The following CADM2 variants were observed in gnomAD, a reference collection of about 807,000 sequenced individuals.
CADM2 encodes immunoglobulin superfamily member 4D.
In CADM2, 12 loss-of-function variants were observed where a neutral mutation model predicts 49.8. That is an observed-to-expected ratio of 0.24 (90% CI 0.15 to 0.39). The LOEUF is 0.39. CADM2 is among the 10% of genes least tolerant of loss of function. The pLI is 1.00. For missense variants in CADM2, 378 were observed against 492.3 expected, an observed-to-expected ratio of 0.77 and a Z score of 2.20; for synonymous variants, 214 against 175.4, an observed-to-expected ratio of 1.22 and a Z score of -1.74.
At chr3:85,342,492 CAATG>C (rs899467832) in intron 1 of CADM2, among the ~76,000 whole-genome samples, 26 of 151,898 alleles carry the variant, frequency 1.7e-4, no homozygotes, top group African/African-American at 5.5e-4. Flanking sequence ...ACATTAGAGA[CAATG>C]AAGACAGAAT....
At chr3:85,504,703 G>A (rs1342708377) in intron 1 of CADM2, among the ~76,000 whole-genome samples, 2 of 152,188 alleles carry the variant, frequency 1.3e-5, no homozygotes, top group African/African-American at 4.8e-5. Flanking sequence ...GTGGTCGATG[G>A]GACTGGGCTC....
In CADM2 at chr3:85,655,632, A is replaced by T. The variant is rs142188120; in HGVS notation, c.62-70890A>T. On this transcript the variant is annotated intron_variant, in intron 1 of 9. Coordinates refer to ENST00000383699, the MANE Select transcript of CADM2 (RefSeq NM_001167675.2). Reference sequence around the variant, plus strand: ...ACGTAGAGTGAGAATTCTTGTACAGATGGGGAATTTGAAGCTTACCTAATA... The same window carrying T: ...ACGTAGAGTGAGAATTCTTGTACAGTTGGGGAATTTGAAGCTTACCTAATA... Among the ~76,000 whole-genome samples the T allele has an allele frequency of 2.1e-3, 316 of 152,276 alleles. 2 individuals carry two copies. The highest frequency in any genetic ancestry group is 7.2e-3 in the African/African-American group (299 of 41,548).
At chr3:85,679,730 C>T (rs752080235) in intron 1 of CADM2, among the ~76,000 whole-genome samples, 9 of 152,108 alleles carry the variant, frequency 5.9e-5, no homozygotes, top group Non-Finnish European at 8.8e-5. Context: ...GCAGGCTGCC[C>T]GGGGCTGCAC....
At chr3:85,130,816 T>C (rs893368443) in intron 1 of CADM2, among the ~76,000 whole-genome samples, 3 of 152,346 alleles carry the variant, frequency 2.0e-5, no homozygotes, top group Admixed American at 6.5e-5. Context: ...TAAACTCTTA[T>C]ACGTAGCGTT....
intron 1 of CADM2, among the ~76,000 whole-genome samples, chr3:85,467,234 A>T (rs1380388493): frequency 6.6e-6 from 1 of 152,188 alleles, no homozygotes; most frequent in East Asian, 1.9e-4. Flanking sequence ...TAGGTGACAT[A>T]ACTTGTCATT....
intron 1 of CADM2, among the ~76,000 whole-genome samples, chr3:85,110,268 G>T (rs1478625932): frequency 6.6e-6 from 1 of 151,808 alleles, no homozygotes; most frequent in Non-Finnish European, 1.5e-5. Flanking sequence ...GAGAGAGAGA[G>T]AGAGAATAAG....
chr3:85,709,152 G>A (rs75613324), intron 1 of CADM2, among the ~76,000 whole-genome samples: 15,207 of 152,018 alleles, frequency 0.1, 964 homozygotes, highest in South Asian at 0.12. Context: ...TTCAAACACT[G>A]AATATTTTTC....
At chr3:85,718,900 ATTATTATTATT>A (rs1269420683) in intron 1 of CADM2, among the ~76,000 whole-genome samples, 1 of 146,816 alleles carries the variant, frequency 6.8e-6, no homozygotes, top group African/African-American at 2.5e-5. Flanking sequence ...TATTATTATT[ATTATTATTATT>A]ATTATTATTA....
At position 85,636,753 on chromosome 3, in the gene CADM2, T is replaced by C. The variant is rs906905419; in HGVS notation, c.62-89769T>C. ...CTGTACCTTTTCTGTTTTGATATTT[T>C]TAAATACACAAATACTTATCATTAT... On this transcript the variant is annotated intron_variant, in intron 1 of 9. Coordinates refer to ENST00000383699, the MANE Select transcript of CADM2 (RefSeq NM_001167675.2). Among the ~76,000 whole-genome samples the C allele has an allele frequency of 5.9e-5, 9 of 152,212 alleles. No individual in the cohort carries two copies. The East Asian group carries it at 1.7e-3, about 29-fold the overall frequency.
intron 1 of CADM2, among the ~76,000 whole-genome samples, chr3:85,436,041 T>C (rs1337036624): frequency 3.3e-5 from 5 of 152,176 alleles, no homozygotes; most frequent in Admixed American, 6.6e-5. Flanking sequence ...ATCCCATTTG[T>C]CAATTTTGGC....
intron 1 of CADM2, among the ~76,000 whole-genome samples, chr3:85,595,641 T>C (rs1286271907): frequency 6.6e-6 from 1 of 152,026 alleles, no homozygotes; most frequent in Non-Finnish European, 1.5e-5. Context: ...ATTATAATTG[T>C]CCAGTGTAGT....
chr3:85,899,537 G>C (rs1715808399), intron 5 of CADM2, among the ~76,000 whole-genome samples: 1 of 151,840 alleles, frequency 6.6e-6, no homozygotes, highest in Non-Finnish European at 1.5e-5. Flanking sequence ...TTTTTTATTA[G>C]GTTCCAGATG....
chr3:85,993,977 A>G (rs912075664), intron 8 of CADM2: 23 of 152,292 alleles, frequency 1.5e-4, no homozygotes, highest in Admixed American at 1.4e-3. Flanking sequence ...CATTGGTTTC[A>G]ACTTAAAATC....
intron 1 of CADM2, among the ~76,000 whole-genome samples, chr3:85,661,718 C>A (rs956767740): frequency 6.6e-6 from 1 of 151,748 alleles, no homozygotes; most frequent in Non-Finnish European, 1.5e-5. Context: ...CTCAAATAAC[C>A]AGATGAAGAG....
At chr3:85,970,627 A>G (rs574946788) in intron 8 of CADM2, among the ~76,000 whole-genome samples, 2 of 151,674 alleles carry the variant, frequency 1.3e-5, no homozygotes, top group African/African-American at 4.8e-5. Context: ...AATATAGAAT[A>G]TTGCATTTGG....
intron 1 of CADM2, among the ~76,000 whole-genome samples, chr3:85,618,781 A>G (rs971375323): frequency 6.6e-6 from 1 of 152,120 alleles, no homozygotes; most frequent in Non-Finnish European, 1.5e-5. Context: ...ACTGATCAAA[A>G]TTTGTGACAA....
At chr3:85,753,609 T>C (rs1415650444) in intron 2 of CADM2, among the ~76,000 whole-genome samples, 1 of 152,146 alleles carries the variant, frequency 6.6e-6, no homozygotes, top group African/African-American at 2.4e-5. Context: ...CAAGTACAGC[T>C]CTATGCCTCT....
intron 7 of CADM2, among the ~76,000 whole-genome samples, chr3:85,946,182 G>C (rs1722664580): frequency 6.6e-6 from 1 of 151,972 alleles, no homozygotes; most frequent in Non-Finnish European, 1.5e-5. Flanking sequence ...ATTCACAATT[G>C]CTTCAAAAAG....
chr3:85,774,149 A>G (rs1390040404), intron 2 of CADM2, among the ~76,000 whole-genome samples: 1 of 151,760 alleles, frequency 6.6e-6, no homozygotes, highest in Admixed American at 6.6e-5. Flanking sequence ...TTGTGTTTCT[A>G]ACTGAAAATA....
Sources: gnomAD v4.1 joint callset for allele counts (sites outside exome capture counted in the v4.1 genomes callset) on GRCh38, gnomAD v4.1.1 for gene constraint, MANE v1.5 for transcripts, NCBI Gene and HGNC (gene_info 2026-07-23, HGNC 2026-07-21) for gene names.